The following EIF4ENIF1 variants were observed in gnomAD, a reference collection of about 807,000 sequenced individuals.
EIF4ENIF1 encodes eukaryotic translation initiation factor 4E transporter.
A neutral mutation model predicts 110.5 loss-of-function variants in EIF4ENIF1; 23 were observed. That is an observed-to-expected ratio of 0.21 (90% CI 0.15 to 0.29). The LOEUF (loss-of-function observed/expected upper bound fraction) is 0.29, where lower values mean the gene tolerates loss of function less well. Ranked by LOEUF, EIF4ENIF1 falls within the 10% of genes least tolerant of loss-of-function variation. The probability of loss-of-function intolerance (pLI) is 1.00; values close to 1 mark genes in which losing one functional copy is unlikely to be tolerated. For synonymous variants in EIF4ENIF1, 440 were observed against 437.0 expected (o/e 1.01, Z -0.09); for missense variants, 1,031 against 1,221.1 (o/e 0.84, Z 2.32).
At chr22:31,474,558 G>A (rs2051504888) in intron 2 of EIF4ENIF1, among the ~76,000 whole-genome samples, 1 of 149,984 alleles carries the variant, frequency 6.7e-6, no homozygotes, top group Admixed American at 6.7e-5. Flanking sequence ...TCCCAGCCCT[G>A]GAATCAGCTA....
At chr22:31,438,980 A>G (rs1046056376), downstream of EIF4ENIF1, among the ~76,000 whole-genome samples, 3 of 152,198 alleles carry the variant, frequency 2.0e-5, no homozygotes, top group Non-Finnish European at 4.4e-5. Context: ...TCTGCCTCCC[A>G]GAGTGCTGAG....
At chr22:31,492,410 A>G (rs1023490982), upstream of EIF4ENIF1, among the ~76,000 whole-genome samples, 1 of 152,204 alleles carries the variant, frequency 6.6e-6, no homozygotes, top group African/African-American at 2.4e-5. Flanking sequence ...ATCAGTGCCC[A>G]GGGCATTGTA....
intron 2 of EIF4ENIF1, among the ~76,000 whole-genome samples, chr22:31,479,766 G>C (rs938017910): frequency 6.8e-6 from 1 of 147,744 alleles, no homozygotes; most frequent in African/African-American, 2.5e-5. Flanking sequence ...CTGGAGTGCA[G>C]TGGCATGATC....
intron 5 of EIF4ENIF1, 133 bp from the exon 6 acceptor site, chr22:31,463,266 C>A: frequency 2.5e-6 from 2 of 788,378 alleles, no homozygotes; most frequent in East Asian, 5.3e-5. Context: ...TCACCACCCC[C>A]ACCCCTTCCT....
intron 2 of EIF4ENIF1, among the ~76,000 whole-genome samples, chr22:31,476,391 G>A (rs1453236576): frequency 6.6e-6 from 1 of 152,140 alleles, no homozygotes; most frequent in Admixed American, 6.5e-5. Flanking sequence ...TTATTTAGGA[G>A]TCACCTGGGA....
chr22:31,438,184 C>G (rs2050201133), downstream of EIF4ENIF1, among the ~76,000 whole-genome samples: 1 of 152,072 alleles, frequency 6.6e-6, no homozygotes, highest in African/African-American at 2.4e-5. Flanking sequence ...TAAAATGGTC[C>G]TGAATGGACA....
At position 31,476,235 on chromosome 22, in the gene EIF4ENIF1, G is replaced by A. The variant is rs185394611; in HGVS notation, c.97-4318C>T. Among the ~76,000 whole-genome samples the A allele has an allele frequency of 1.6e-3, 244 of 152,210 alleles. 1 individual carries two copies. The highest frequency in any genetic ancestry group is 4.7e-3 in the African/African-American group (195 of 41,540). On this transcript the variant is annotated intron_variant, in intron 2 of 18. Transcript: ENST00000330125. ...TATTCAATCAAAGACAATCTTTCAC[G>A]CTTAAATGTGTAAATTCTTAATGTA...
intron 2 of EIF4ENIF1, among the ~76,000 whole-genome samples, chr22:31,483,421 T>G (rs2037896542): frequency 6.6e-6 from 1 of 151,926 alleles, no homozygotes; most frequent in South Asian, 2.1e-4. Flanking sequence ...CAGGCTGGTC[T>G]TGAACTCCTG....
intron 10 of EIF4ENIF1, chr22:31,450,892 CACA>C (rs1380042556): frequency 6.8e-6 from 1 of 147,900 alleles, no homozygotes; most frequent in East Asian, 2.0e-4. Context: ...CACACACACA[CACA>C]AAAGAGACAG....
chr22:31,474,618 A>G (rs942235485), intron 2 of EIF4ENIF1, among the ~76,000 whole-genome samples: 3 of 151,996 alleles, frequency 2.0e-5, no homozygotes, highest in African/African-American at 7.3e-5. Flanking sequence ...TAAAACACCA[A>G]GGTCTGGGAA....
rs1387798169 is a variant in EIF4ENIF1, at chr22:31,489,767, C to G, written c.-101G>C. 6.6e-6 allele frequency: 1 copy of G among 152,042 alleles called. No individual in the cohort carries two copies. Among genetic ancestry groups the G allele is most frequent in the Non-Finnish European group, 1.5e-5 (1 of 68,236 alleles). The allele number at this position is 152,042 out of a possible 1,614,324, so 9.4% of individuals were successfully genotyped here. A position where few individuals can be genotyped will look rare whatever the true frequency, so the allele number is the denominator to read the frequency against. ...TCCCCGCTGCCCGCACCGGTCCCAG[C>G]GCCGCTCCCCGCAGCCTTCGCTCTC... On this transcript the variant is annotated 5_prime_UTR_variant, in exon 1 of 19. Coordinates refer to ENST00000330125, the MANE Select transcript of EIF4ENIF1 (RefSeq NM_019843.4).
At chr22:31,485,696 C>T (rs1309081643) in intron 2 of EIF4ENIF1, among the ~76,000 whole-genome samples, 1 of 151,626 alleles carries the variant, frequency 6.6e-6, no homozygotes, top group African/African-American at 2.4e-5. Context: ...CCCACCTACT[C>T]AGGAGGCTGA....
At chr22:31,482,675 C>A (rs546570579) in intron 2 of EIF4ENIF1, among the ~76,000 whole-genome samples, 1 of 149,540 alleles carries the variant, frequency 6.7e-6, no homozygotes, top group East Asian at 2.0e-4. Context: ...GAGTGAGACG[C>A]GGTCTCAAAA....
intron 14 of EIF4ENIF1, 40 bp from the exon 15 acceptor site, chr22:31,444,730 T>A (rs1403776766): frequency 1.3e-6 from 2 of 1,593,020 alleles, no homozygotes; most frequent in Non-Finnish European, 1.7e-6. Flanking sequence ...CCCAATCTGC[T>A]TAACTTCAAG....
intron 2 of EIF4ENIF1, among the ~76,000 whole-genome samples, chr22:31,483,685 G>A (rs1478013244): frequency 6.6e-6 from 1 of 151,968 alleles, no homozygotes; most frequent in Non-Finnish European, 1.5e-5. Flanking sequence ...TGCTAGTTCA[G>A]GGAGCACACT....
chr22:31,488,743 C>T lies in EIF4ENIF1; in HGVS notation c.-25G>A. 6.3e-7 allele frequency: 1 copy of T among 1,599,940 alleles called. No individual in the cohort carries two copies. The highest frequency in any genetic ancestry group is 8.5e-7 in the Non-Finnish European group (1 of 1,174,314). Reference sequence around the variant, plus strand: ...TGGCTCCTTGGTCTACAATGCTCTGCACCTGGAAGATAAATCGGCACAAAA... The same window carrying T: ...TGGCTCCTTGGTCTACAATGCTCTGTACCTGGAAGATAAATCGGCACAAAA... On this transcript the variant is annotated splice_region_variant and 5_prime_UTR_variant, in exon 2 of 19. Coordinates refer to ENST00000330125, the MANE Select transcript of EIF4ENIF1 (RefSeq NM_019843.4).
chr22:31,487,676 G>A (rs1359528025), intron 2 of EIF4ENIF1, among the ~76,000 whole-genome samples: 1 of 151,778 alleles, frequency 6.6e-6, no homozygotes, highest in Non-Finnish European at 1.5e-5. Context: ...TGTGGTCCCA[G>A]CTACTCAGGA....
intron 4 of EIF4ENIF1, among the ~76,000 whole-genome samples, chr22:31,464,912 A>T (rs1012683351): frequency 1.3e-5 from 2 of 151,350 alleles, no homozygotes; most frequent in African/African-American, 4.9e-5. Flanking sequence ...GCTTGATCAA[A>T]ATTTAAAACT....
intron 2 of EIF4ENIF1, among the ~76,000 whole-genome samples, chr22:31,473,755 C>A (rs1423390283): frequency 2.6e-5 from 4 of 152,192 alleles, no homozygotes; most frequent in Admixed American, 2.0e-4. Context: ...TAATTTGGAT[C>A]ATTTGGTCAA....
Sources: allele counts gnomAD v4.1 joint callset (sites outside exome capture counted in the v4.1 genomes callset), GRCh38; gene constraint gnomAD v4.1.1; transcripts MANE v1.5; gene names NCBI Gene and HGNC (gene_info 2026-07-23, HGNC 2026-07-21).